The following ABI3BP variants were observed in gnomAD, a reference collection of about 807,000 sequenced individuals.
ABI3BP encodes target of Nesh-SH3.
ABI3BP carries 216 observed loss-of-function variants against 268.6 expected under a neutral mutation model. The ratio of observed to expected loss-of-function variants is 0.80; its 90% CI spans 0.72 to 0.90. The LOEUF is 0.90. ABI3BP is among the 40% of genes least tolerant of loss of function. ABI3BP has a pLI of 0.00. For synonymous variants in ABI3BP, 730 were observed against 730.0 expected, an observed-to-expected ratio of 1.00 and a Z score of 0.00; for missense variants, 2,090 against 2,182.4, an observed-to-expected ratio of 0.96 and a Z score of 0.84.
At chr3:100,890,068 T>C (rs879579302) in intron 4 of ABI3BP, among the ~76,000 whole-genome samples, 2 of 152,170 alleles carry the variant, frequency 1.3e-5, no homozygotes, top group Non-Finnish European at 2.9e-5. Context: ...ATGATGTAAC[T>C]GGTAGTGAAT....
chr3:100,846,503 C>A lies in ABI3BP; in HGVS notation c.1649-57G>T. 3.1e-6 allele frequency: 4 copies of A among 1,272,332 alleles called. No individual in the cohort carries two copies. The South Asian group carries it at 5.4e-5, about 17-fold the overall frequency. The allele number at this position is 1,272,332 out of a possible 1,614,324, so 78.8% of individuals were successfully genotyped here. A position where few individuals can be genotyped will look rare whatever the true frequency, so the allele number is the denominator to read the frequency against. ...AATCAATATTTAGGCATTTCAGTGT[C>A]TAAAAACACAGAAGGAAAACCTAGA... On this transcript the variant is annotated intron_variant, in intron 19 of 67. Coordinates refer to ENST00000471714, the MANE Select transcript of ABI3BP (RefSeq NM_001375547.2).
chr3:100,786,519 T>C lies in ABI3BP; in HGVS notation c.4162+1209A>G, dbSNP rs77648217. Among the ~76,000 whole-genome samples, 415 of 152,324 alleles carry C rather than the reference T, an allele frequency of 2.7e-3. 3 individuals carry two copies. The highest frequency in any genetic ancestry group is 9.6e-3 in the African/African-American group (398 of 41,584). On this transcript the variant is annotated intron_variant, in intron 57 of 67. Transcript: ENST00000471714. ...GAATCAGTATTATAGTGAAGGTTAG[T>C]AGCTTTCAAGTGTGATCACAGCTAC...
At chr3:100,811,990 G>C (rs2097870948) in intron 46 of ABI3BP, among the ~76,000 whole-genome samples, 191 bp from the exon 47 acceptor site, 1 of 152,094 alleles carries the variant, frequency 6.6e-6, no homozygotes, top group Non-Finnish European at 1.5e-5. Flanking sequence ...GGAAATGAAG[G>C]CAGTGTGCTA....
At chr3:100,845,889 G>A (rs1159231239) in intron 20 of ABI3BP, among the ~76,000 whole-genome samples, 1 of 148,340 alleles carries the variant, frequency 6.7e-6, no homozygotes, top group African/African-American at 2.5e-5. Flanking sequence ...AAATTCCTAA[G>A]AGGTAAACAG....
chr3:100,967,250 G>T (rs193174748), intron 1 of ABI3BP, among the ~76,000 whole-genome samples: 4 of 151,978 alleles, frequency 2.6e-5, no homozygotes, highest in Admixed American at 6.6e-5. Context: ...ACCTGTAATC[G>T]TAATAGTTTG....
intron 63 of ABI3BP, among the ~76,000 whole-genome samples, chr3:100,763,463 C>CA (rs1418781949): frequency 0.03 from 3,289 of 109,176 alleles, 87 homozygotes; most frequent in African/African-American, 0.085. Context: ...GACTCTGTCT[C>CA]AAAAAAAAAA....
At chr3:100,876,941 T>C (rs577041340) in intron 6 of ABI3BP, among the ~76,000 whole-genome samples, 1 of 152,198 alleles carries the variant, frequency 6.6e-6, no homozygotes, top group South Asian at 2.1e-4. Context: ...TAAGCCGAGA[T>C]CATGCCATTG....
intron 51 of ABI3BP, among the ~76,000 whole-genome samples, chr3:100,798,892 CT>C (rs2097437204): frequency 1.3e-5 from 2 of 152,108 alleles, no homozygotes; most frequent in African/African-American, 4.8e-5. Context: ...CTCTCTATTC[CT>C]TTATTCTAAC....
chr3:100,938,544 G>A (rs1318898988), intron 1 of ABI3BP, among the ~76,000 whole-genome samples: 3 of 152,072 alleles, frequency 2.0e-5, no homozygotes, highest in Admixed American at 1.3e-4. Flanking sequence ...AGTATCTTCA[G>A]TTGTTCCTGA....
chr3:100,841,518 G>C (rs4524311), intron 21 of ABI3BP, among the ~76,000 whole-genome samples: 1 of 152,052 alleles, frequency 6.6e-6, no homozygotes, highest in African/African-American at 2.4e-5. Context: ...GGGTGTCTCA[G>C]AACCACTGCT....
At chr3:100,875,366 G>A (rs919099701) in intron 8 of ABI3BP, 142 bp downstream of exon 8, 11 of 652,306 alleles carry the variant, frequency 1.7e-5, no homozygotes, top group African/African-American at 7.2e-5. Context: ...GAATGGACAC[G>A]AGCCAGGATG....
At chr3:100,991,814 G>A (rs2092978991) in intron 1 of ABI3BP, among the ~76,000 whole-genome samples, 1 of 151,786 alleles carries the variant, frequency 6.6e-6, no homozygotes. Context: ...GAAAAATTGT[G>A]TCAAGAGATT....
At chr3:100,887,306 G>A (rs578115723) in intron 4 of ABI3BP, among the ~76,000 whole-genome samples, 33 of 152,080 alleles carry the variant, frequency 2.2e-4, no homozygotes, top group African/African-American at 7.5e-4. Flanking sequence ...ATAGATTTTA[G>A]AAACAAAATA....
chr3:100,918,528 G>A (rs2059358742), intron 2 of ABI3BP, among the ~76,000 whole-genome samples: 1 of 152,072 alleles, frequency 6.6e-6, no homozygotes. Flanking sequence ...GAATGATAAA[G>A]CAAATGGTAA....
Position 100,804,963 on chromosome 3 carries a change from TAAAAC to T in ABI3BP, c.3683-102_3683-98del. 9.2e-6 allele frequency: 9 copies of T among 973,566 alleles called. 1 individual carries two copies. The South Asian group carries it at 1.2e-4, about 13-fold the overall frequency. 60.3% of individuals were successfully genotyped at this position (973,566 alleles called of 1,614,324 possible). A position where few individuals can be genotyped will look rare whatever the true frequency, so the allele number is the denominator to read the frequency against. On this transcript the variant is annotated intron_variant, in intron 50 of 67. Transcript: ENST00000471714. ...TGTCAAGGTGTAGCCTGAACACTGA[TAAAAC>T]AAAGCATTAGAGAGAAGACAGAAGA...
chr3:100,812,984 G>A (rs1578632641), intron 45 of ABI3BP, among the ~76,000 whole-genome samples: 1 of 152,026 alleles, frequency 6.6e-6, no homozygotes, highest in South Asian at 2.1e-4. Context: ...GGGCTCAAGC[G>A]ATCCTCCTAC....
chr3:100,854,691 T>C (rs1310301775), intron 14 of ABI3BP, among the ~76,000 whole-genome samples: 1 of 152,206 alleles, frequency 6.6e-6, no homozygotes, highest in African/African-American at 2.4e-5. Context: ...GTATTACTGA[T>C]TTTGCATTCA....
rs529755156 is a variant in ABI3BP, at chr3:100,750,288, A to G, written c.*207T>C. ...TCCCCAAAAATGTTATTCTGTTAAC[A>G]TCAGTATCTTGCTTTCTTAAAATGA... On this transcript the variant is annotated 3_prime_UTR_variant, in exon 68 of 68. Coordinates refer to ENST00000471714, the MANE Select transcript of ABI3BP (RefSeq NM_001375547.2). 27 of 450,200 alleles carry G rather than the reference A, an allele frequency of 6.0e-5. No individual in the cohort carries two copies. The highest frequency in any genetic ancestry group is 3.3e-4 in the East Asian group (9 of 27,070). 27.9% of individuals were successfully genotyped at this position (450,200 alleles called of 1,614,324 possible).
intron 1 of ABI3BP, among the ~76,000 whole-genome samples, chr3:100,980,284 T>G (rs2088676254): frequency 6.6e-6 from 1 of 151,886 alleles, no homozygotes; most frequent in Non-Finnish European, 1.5e-5. Context: ...CAGGCTGGAG[T>G]GTAGGGCATG....
Sources: allele counts gnomAD v4.1 joint callset (sites outside exome capture counted in the v4.1 genomes callset), GRCh38; gene constraint gnomAD v4.1.1; transcripts MANE v1.5; gene names NCBI Gene and HGNC (gene_info 2026-07-23, HGNC 2026-07-21).